The following NCALD variants were observed in gnomAD, a reference collection of about 807,000 sequenced individuals.
The protein encoded by NCALD is neurocalcin delta, also known as neurocalcin-delta.
A neutral mutation model predicts 18.6 loss-of-function variants in NCALD; 10 were observed. The observed-to-expected ratio is 0.54, with a 90% CI of 0.33 to 0.91. The LOEUF (loss-of-function observed/expected upper bound fraction) is 0.91, where lower values mean the gene tolerates loss of function less well. NCALD is among the 40% of genes least tolerant of loss of function. The pLI is 0.03. For missense variants in NCALD, 184 were observed against 247.6 expected (o/e 0.74, Z 1.72); for synonymous variants, 88 against 87.4 (o/e 1.01, Z -0.04).
chr8:102,009,445 A>C (rs751875615), intron 2 of NCALD, among the ~76,000 whole-genome samples: 1 of 152,244 alleles, frequency 6.6e-6, no homozygotes, highest in Non-Finnish European at 1.5e-5. Flanking sequence ...CTCCCTGAAT[A>C]AGGAGGAAAG....
At chr8:101,768,578 G>C (rs1811447117) in intron 1 of NCALD, among the ~76,000 whole-genome samples, 1 of 152,104 alleles carries the variant, frequency 6.6e-6, no homozygotes, top group South Asian at 2.1e-4. Context: ...GTGTGGTGGT[G>C]CATGCCTATA....
intron 1 of NCALD, among the ~76,000 whole-genome samples, chr8:101,784,843 C>T (rs1812159817): frequency 6.6e-6 from 1 of 152,042 alleles, no homozygotes; most frequent in South Asian, 2.1e-4. Context: ...AATTGTAAGG[C>T]TATTTTTGAA....
intron 2 of NCALD, among the ~76,000 whole-genome samples, chr8:101,709,411 T>C (rs968932426): frequency 4.6e-5 from 7 of 152,236 alleles, no homozygotes; most frequent in African/African-American, 1.7e-4. Flanking sequence ...TGTCTAAGCC[T>C]ATCATTTTCA....
At chr8:101,928,885 C>T (rs1469997442) in intron 2 of NCALD, among the ~76,000 whole-genome samples, 1 of 151,992 alleles carries the variant, frequency 6.6e-6, no homozygotes, top group African/African-American at 2.4e-5. Flanking sequence ...AAACACTGTG[C>T]TGTAAAATAT....
rs536571522 is a variant in NCALD, at chr8:102,032,848, G to A, written c.-209-12559C>T. On this transcript the variant is annotated intron_variant, in intron 1 of 6. Coordinates refer to the NCALD transcript ENST00000311028. The stretch of plus-strand genomic sequence containing the variant: ...TAACTTCTCCATGGACTTATCTTCT[G>A]AGTGGTCATGACAGTAATCAATGAG... Among the ~76,000 whole-genome samples, 7 of 152,234 alleles carry A rather than the reference G, an allele frequency of 4.6e-5. No individual in the cohort carries two copies. The East Asian group carries it at 1.4e-3, about 29-fold the overall frequency.
chr8:101,849,672 A>C (rs1161038364), intron 4 of NCALD, among the ~76,000 whole-genome samples: 1 of 152,198 alleles, frequency 6.6e-6, no homozygotes, highest in Non-Finnish European at 1.5e-5. Flanking sequence ...AGTCTCCTGC[A>C]TTCTAATCTT....
intron 4 of NCALD, among the ~76,000 whole-genome samples, chr8:101,848,278 G>T (rs1430922572): frequency 1.3e-5 from 2 of 152,096 alleles, no homozygotes; most frequent in Non-Finnish European, 2.9e-5. Context: ...GGGAGTTACA[G>T]GGACCAATTT....
chr8:101,714,139 C>T (rs1273814510), intron 2 of NCALD, among the ~76,000 whole-genome samples: 2 of 152,114 alleles, frequency 1.3e-5, no homozygotes, highest in African/African-American at 4.8e-5. Flanking sequence ...AAGTTCTGGC[C>T]AGGGCAATCA....
At chr8:101,702,146 G>A (rs1274113355) in intron 2 of NCALD, among the ~76,000 whole-genome samples, 1 of 152,036 alleles carries the variant, frequency 6.6e-6, no homozygotes, top group Non-Finnish European at 1.5e-5. Context: ...AGAAAACGAA[G>A]CAAAACAAAA....
chr8:101,966,298 G>A (rs1586839242), intron 2 of NCALD, among the ~76,000 whole-genome samples: 1 of 151,980 alleles, frequency 6.6e-6, no homozygotes, highest in East Asian at 1.9e-4. Flanking sequence ...ATACTATGCA[G>A]CCATAAAAAA....
At chr8:101,964,927 T>C (rs953451002) in intron 2 of NCALD, among the ~76,000 whole-genome samples, 1 of 152,096 alleles carries the variant, frequency 6.6e-6, no homozygotes. Flanking sequence ...TGCCCACTTC[T>C]TCTCAAGCAT....
At chr8:101,997,367 C>T (rs1214372847) in intron 2 of NCALD, among the ~76,000 whole-genome samples, 2 of 151,986 alleles carry the variant, frequency 1.3e-5, no homozygotes, top group African/African-American at 4.8e-5. Context: ...TTTTAAAGAG[C>T]ATGCTTTTAT....
intron 3 of NCALD, among the ~76,000 whole-genome samples, chr8:101,912,905 A>G (rs1436598423): frequency 1.3e-5 from 2 of 152,260 alleles, no homozygotes; most frequent in East Asian, 3.8e-4. Context: ...CGTTGAAGGC[A>G]TAAGCTGCCA....
intron 2 of NCALD, among the ~76,000 whole-genome samples, chr8:101,715,407 A>T (rs572411958): frequency 6.6e-6 from 1 of 152,318 alleles, no homozygotes; most frequent in Non-Finnish European, 1.5e-5. Flanking sequence ...ACCATTCAGG[A>T]CATAGGCATG....
At position 101,843,446 on chromosome 8, in the gene NCALD, G is replaced by GCACACA. The variant is rs148295172; in HGVS notation, c.-20+43689_-20+43694dup. ...TGAGTATGTGCATGTACATGTGCATGCACACACACACACACACACAACTAA... is the reference window on the plus strand; with the variant it reads ...TGAGTATGTGCATGTACATGTGCATGCACACACACACACACACACACACACAACTAA... On this transcript the variant is annotated intron_variant, in intron 4 of 6. Coordinates refer to the NCALD transcript ENST00000311028. Among the ~76,000 whole-genome samples, 82 of 149,720 alleles carry GCACACA rather than the reference G, an allele frequency of 5.5e-4. 2 individuals are homozygous for GCACACA. Among genetic ancestry groups the GCACACA allele is most frequent in the South Asian group, 5.1e-3 (24 of 4,744 alleles).
chr8:101,988,283 G>A (rs1820905073), intron 2 of NCALD, among the ~76,000 whole-genome samples: 1 of 151,842 alleles, frequency 6.6e-6, no homozygotes. Flanking sequence ...TCTGAAAAGT[G>A]TTATATACGT....
intron 2 of NCALD, among the ~76,000 whole-genome samples, chr8:101,988,915 A>C (rs1230687611): frequency 6.6e-6 from 1 of 151,462 alleles, no homozygotes; most frequent in Non-Finnish European, 1.5e-5. Context: ...AAAAAAAAAA[A>C]AAAAAAAAAC....
chr8:102,101,438 T>A (rs1587084049), intron 1 of NCALD, among the ~76,000 whole-genome samples: 1 of 152,330 alleles, frequency 6.6e-6, no homozygotes, highest in East Asian at 1.9e-4. Flanking sequence ...CAGCCCTCTA[T>A]AAACGAAGGC....
chr8:101,868,162 A>G (rs2131393068), intron 4 of NCALD, among the ~76,000 whole-genome samples: 1 of 152,184 alleles, frequency 6.6e-6, no homozygotes, highest in Admixed American at 6.5e-5. Flanking sequence ...TTGGAGGAAC[A>G]CTGCTTGTAG....
Sources: gnomAD v4.1 joint callset for allele counts (sites outside exome capture counted in the v4.1 genomes callset) on GRCh38, gnomAD v4.1.1 for gene constraint, MANE v1.5 for transcripts, NCBI Gene and HGNC (gene_info 2026-07-23, HGNC 2026-07-21) for gene names.